Variants in USP34 observed in about 807,000 individuals in gnomAD.
The protein encoded by USP34 is ubiquitin specific peptidase 34.
USP34 carries 70 observed loss-of-function variants against 460.3 expected under a neutral mutation model. The observed-to-expected ratio is 0.15, with a 90% confidence interval of 0.13 to 0.19. The LOEUF (loss-of-function observed/expected upper bound fraction) is 0.19. Among genes scored for constraint, USP34 ranks in the 10% least tolerant of loss-of-function variants. The pLI, the probability that USP34 is intolerant of heterozygous loss-of-function variation, is 1.00. For missense variants in USP34, 3,985 were observed against 4,236.2 expected, an observed-to-expected ratio of 0.94 and a Z score of 1.65; for synonymous variants, 1,647 against 1,405.3, an observed-to-expected ratio of 1.17 and a Z score of -3.85.
At chr2:61,289,355 T>C (rs1484477753) in intron 33 of USP34, among the ~76,000 whole-genome samples, 2 of 152,128 alleles carry the variant, frequency 1.3e-5, no homozygotes, top group Non-Finnish European at 2.9e-5. Flanking sequence ...ATAATTCAAC[T>C]GAAACTCTTG....
intron 41 of USP34, among the ~76,000 whole-genome samples, chr2:61,275,954 A>T (rs1689360605): frequency 6.6e-6 from 1 of 152,216 alleles, no homozygotes; most frequent in African/African-American, 2.4e-5. Context: ...AAGACTTTGG[A>T]AAAAATACAT....
At chr2:61,453,396 A>G (rs1695342012) in intron 1 of USP34, among the ~76,000 whole-genome samples, 1 of 151,686 alleles carries the variant, frequency 6.6e-6, no homozygotes, top group South Asian at 2.1e-4. Context: ...CATAGACGAC[A>G]GAGTAAGACC....
At chr2:61,294,759 G>C (rs1197990033) in intron 32 of USP34, among the ~76,000 whole-genome samples, 190 bp downstream of exon 32, 1 of 152,134 alleles carries the variant, frequency 6.6e-6, no homozygotes, top group African/African-American at 2.4e-5. Context: ...AGAGCTAAAA[G>C]CAGGAGCACC....
intron 10 of USP34, among the ~76,000 whole-genome samples, chr2:61,355,056 C>T (rs1692063391): frequency 6.6e-6 from 1 of 152,190 alleles, no homozygotes; most frequent in African/African-American, 2.4e-5. Context: ...GGGACAGCAG[C>T]AATGAATTAT....
At chr2:61,227,284 C>A (rs1365428312) in intron 61 of USP34, 66 bp from the exon 62 acceptor site, 1 of 1,523,642 alleles carries the variant, frequency 6.6e-7, no homozygotes. Flanking sequence ...GAACAAATGA[C>A]TTGTTTTATG....
At position 61,190,348 on chromosome 2, in the gene USP34, T is replaced by C. The variant is rs767668433; in HGVS notation, c.9796A>G (p.Ile3266Val). The change falls in exon 78 of 80, where the codon ATA (isoleucine) becomes GTA (valine). Residue 3266 changes from isoleucine to valine, a missense_variant. By Grantham distance (29) the Ile-to-Val change is conservative (BLOSUM62 3). Transcript: ENST00000398571. ...GACTGTAGGTTCTGATACTGGCTTA[T>C]CAAGTTTGTAATAAGAGTGCTGATC... ...NLISTLITNL[I>V]SQYQNLQSDF... 2.6e-5 allele frequency: 42 copies of C among 1,613,726 alleles called. No homozygotes were observed. The highest frequency in any genetic ancestry group is 3.6e-5 in the Non-Finnish European group (42 of 1,179,942).
intron 20 of USP34, among the ~76,000 whole-genome samples, chr2:61,325,980 T>C (rs1227344260): frequency 6.6e-6 from 1 of 152,194 alleles, no homozygotes; most frequent in Non-Finnish European, 1.5e-5. Flanking sequence ...TGCATAAAAT[T>C]TGATGCTTAA....
At chr2:61,256,739 T>C in intron 47 of USP34, 134 bp downstream of exon 47, 1 of 696,778 alleles carries the variant, frequency 1.4e-6, no homozygotes, top group South Asian at 2.8e-5. Flanking sequence ...TAACTCTTAT[T>C]TGAATAGTAC....
At chr2:61,192,713 A>G (rs554909531) in intron 76 of USP34, among the ~76,000 whole-genome samples, 188 bp downstream of exon 76, 169 of 152,362 alleles carry the variant, frequency 1.1e-3, no homozygotes, top group Non-Finnish European at 1.6e-3. Context: ...TACTTAAGTT[A>G]AAAAAATCAA....
At chr2:61,215,863 A>G (rs997118864) in intron 67 of USP34, among the ~76,000 whole-genome samples, 3 of 152,216 alleles carry the variant, frequency 2.0e-5, no homozygotes, top group Non-Finnish European at 4.4e-5. Flanking sequence ...CAATGGGACT[A>G]TCTCAGCTTA....
chr2:61,469,456 C>T (rs548092165), intron 1 of USP34, among the ~76,000 whole-genome samples: 1 of 152,270 alleles, frequency 6.6e-6, no homozygotes, highest in Admixed American at 6.5e-5. Flanking sequence ...TAGGGTGACA[C>T]AAATACTGGA....
At position 61,257,329 on chromosome 2, in the gene USP34, T is replaced by G; in HGVS notation, c.5866A>C (p.Asn1956His). Residue 1956 changes from asparagine to histidine, a missense_variant, in exon 45 of 80, where the codon AAT becomes CAT. Around this residue, in one of 14 missense-constraint regions of USP34, gnomAD observed 145 missense variants for 291.6 expected, o/e 0.50. Transcript: ENST00000398571. ...YLMESECKAY[N>H]PRPFCKTYTM... ...TATGTTTTACAGAAAGGTCTAGGAT[T>G]ATATGCTTTGCATTCACTCTCCTGC... The G allele has an allele frequency of 1.2e-6, 2 of 1,602,476 alleles. No homozygotes were observed. Among genetic ancestry groups the G allele is most frequent in the Non-Finnish European group, 1.7e-6 (2 of 1,175,364 alleles).
chr2:61,401,166 A>AAAC (rs1553383487), intron 3 of USP34, among the ~76,000 whole-genome samples: 1 of 151,464 alleles, frequency 6.6e-6, no homozygotes, highest in African/African-American at 2.4e-5. Context: ...AAAAAAAAAA[A>AAAC]AAATTAAAAA....
At chr2:61,440,495 C>A (rs891453156) in intron 1 of USP34, among the ~76,000 whole-genome samples, 1 of 151,614 alleles carries the variant, frequency 6.6e-6, no homozygotes, top group African/African-American at 2.4e-5. Flanking sequence ...CTCCATTCTT[C>A]TTGAAAAAGT....
At chr2:61,336,265 A>G (rs1558535917) in intron 18 of USP34, among the ~76,000 whole-genome samples, 1 of 151,542 alleles carries the variant, frequency 6.6e-6, no homozygotes, top group Non-Finnish European at 1.5e-5. Context: ...AGCTGTAACT[A>G]CAGGTACGGG....
chr2:61,422,941 A>G (rs1460581100), intron 1 of USP34, among the ~76,000 whole-genome samples: 1 of 152,144 alleles, frequency 6.6e-6, no homozygotes, highest in Admixed American at 6.6e-5. Flanking sequence ...TTAAGGCTGA[A>G]GTGAGCCGAA....
In USP34 at chr2:61,470,629, G is replaced by A. The variant is rs778231770; in HGVS notation, c.43+21C>T. 20 of 1,576,702 alleles carry A rather than the reference G, an allele frequency of 1.3e-5. No individual in the cohort carries two copies. In the East Asian group the frequency reaches 3.1e-4, roughly 24 times the overall value. On this transcript the variant is annotated intron_variant, in intron 1 of 79. Transcript: ENST00000398571. Reference sequence around the variant, plus strand: ...GACCCCAAACCGTGCACCCCGACAGGCCGCTACCGCGGCTACTTACTTTCA... The same window carrying A: ...GACCCCAAACCGTGCACCCCGACAGACCGCTACCGCGGCTACTTACTTTCA...
At chr2:61,371,218 G>T (rs1692614276) in intron 8 of USP34, among the ~76,000 whole-genome samples, 1 of 152,118 alleles carries the variant, frequency 6.6e-6, no homozygotes, top group African/African-American at 2.4e-5. Flanking sequence ...ATAGAGCAAT[G>T]CATTACTCAC....
intron 3 of USP34, among the ~76,000 whole-genome samples, chr2:61,403,152 C>CA (rs539679668): frequency 5.7e-4 from 86 of 152,172 alleles, no homozygotes; most frequent in African/African-American, 2.0e-3. Context: ...TCGAAGACCT[C>CA]AAAAAACCAC....
Sources: allele counts gnomAD v4.1 joint callset (sites outside exome capture counted in the v4.1 genomes callset), GRCh38; gene constraint gnomAD v4.1.1; regional missense constraint gnomAD v4.1.1; transcripts MANE v1.5; gene names NCBI Gene and HGNC (gene_info 2026-07-23, HGNC 2026-07-21).